CSMD1: variants seen among roughly 807,000 people sequenced by gnomAD.
CSMD1 encodes CUB and sushi domain-containing protein 1.
In CSMD1, 213 loss-of-function variants were observed where a neutral mutation model predicts 417.5. The ratio of observed to expected loss-of-function variants is 0.51; its 90% CI spans 0.46 to 0.57. The LOEUF (loss-of-function observed/expected upper bound fraction) is 0.57. CSMD1 is among the 20% of genes least tolerant of loss of function. CSMD1 has a pLI of 0.00. For missense variants in CSMD1, 6,923 were observed against 4,529.7 expected, an observed-to-expected ratio of 1.53 and a Z score of -15.17; for synonymous variants, 2,862 against 1,736.8, an observed-to-expected ratio of 1.65 and a Z score of -16.11.
intron 3 of CSMD1, among the ~76,000 whole-genome samples, chr8:4,311,610 C>G (rs1217397843): frequency 1.3e-5 from 2 of 151,108 alleles, no homozygotes; most frequent in African/African-American, 4.9e-5. Context: ...GTAGTCCCAG[C>G]TACTTGGGAA....
chr8:2,966,794 T>C lies in CSMD1; in HGVS notation c.8924-48A>G, dbSNP rs1387188409. 6 of 1,582,542 alleles carry C rather than the reference T, an allele frequency of 3.8e-6. No homozygotes were observed. The East Asian group carries it at 1.4e-4, about 36-fold the overall frequency. On this transcript the variant is annotated intron_variant, in intron 57 of 69. Transcript: ENST00000635120. The stretch of plus-strand genomic sequence containing the variant: ...ACCACACACAGTGAGTGACCCAGCA[T>C]GAAAATGGCAAACACAAGAGACCAA...
rs374062675 is a variant in CSMD1 at position 3,309,257 on chromosome 8, T to C, written c.3632-754A>G. On this transcript the variant is annotated intron_variant, in intron 23 of 69. Transcript: ENST00000635120. Reference sequence around the variant, plus strand: ...GACAGCCAGCACTTATTCCAGCCCATTGTCAAGACCCGCCCACCTTCCCGA... The same window carrying C: ...GACAGCCAGCACTTATTCCAGCCCACTGTCAAGACCCGCCCACCTTCCCGA... Among the ~76,000 whole-genome samples the C allele has an allele frequency of 3.3e-5, 5 of 152,064 alleles. No homozygotes were observed. In the South Asian group the frequency reaches 8.3e-4, roughly 25 times the overall value.
chr8:3,129,906 G>C (rs183851499), intron 41 of CSMD1, among the ~76,000 whole-genome samples: 1 of 151,964 alleles, frequency 6.6e-6, no homozygotes, highest in Non-Finnish European at 1.5e-5. Context: ...ACCTGAGCCC[G>C]GGGGGCGGAG....
chr8:4,747,806 G>A (rs993772412), intron 1 of CSMD1, among the ~76,000 whole-genome samples: 1 of 152,152 alleles, frequency 6.6e-6, no homozygotes, highest in African/African-American at 2.4e-5. Context: ...TCGAAACCCA[G>A]CCAAAGCATC....
At chr8:3,662,723 G>T (rs527991720) in intron 7 of CSMD1, among the ~76,000 whole-genome samples, 1 of 152,046 alleles carries the variant, frequency 6.6e-6, no homozygotes, top group Non-Finnish European at 1.5e-5. Context: ...ATCATTCTCA[G>T]CAAACTGACA....
intron 5 of CSMD1, among the ~76,000 whole-genome samples, chr8:3,913,587 C>T (rs557198052): frequency 6.6e-6 from 1 of 152,276 alleles, no homozygotes; most frequent in South Asian, 2.1e-4. Flanking sequence ...AGTTCCAGTG[C>T]ATTTGCCCAC....
At chr8:4,390,779 G>T (rs1053276936) in intron 3 of CSMD1, among the ~76,000 whole-genome samples, 2 of 151,652 alleles carry the variant, frequency 1.3e-5, no homozygotes, top group Non-Finnish European at 2.9e-5. Context: ...CTGACCTCGT[G>T]ATCCACCTGC....
At chr8:4,302,085 C>CT (rs1375618762) in intron 3 of CSMD1, among the ~76,000 whole-genome samples, 1 of 152,120 alleles carries the variant, frequency 6.6e-6, no homozygotes, top group African/African-American at 2.4e-5. Context: ...ATGAAGACCC[C>CT]TTGTATAGTT....
chr8:3,310,176 C>A lies in CSMD1; in HGVS notation c.3632-1673G>T, dbSNP rs1029658077. On this transcript the variant is annotated intron_variant, in intron 23 of 69. Transcript: ENST00000635120. Reference sequence around the variant, plus strand: ...CAGGGTCATTCAAATATTTGATGACCTTCATCTCACTGCATAATGCCAAGA... The same window carrying A: ...CAGGGTCATTCAAATATTTGATGACATTCATCTCACTGCATAATGCCAAGA... 3.2e-4 allele frequency among the ~76,000 whole-genome samples: 48 copies of A among 152,170 alleles called. 1 individual carries two copies. Among genetic ancestry groups the A allele is most frequent in the African/African-American group, 1.1e-3 (46 of 41,444 alleles).
At chr8:4,006,453 A>G (rs1334640071) in intron 4 of CSMD1, among the ~76,000 whole-genome samples, 1 of 152,196 alleles carries the variant, frequency 6.6e-6, no homozygotes, top group Non-Finnish European at 1.5e-5. Flanking sequence ...CTGAGGCCGA[A>G]GAATCGCTTG....
chr8:4,386,835 A>G (rs1053919523), intron 3 of CSMD1, among the ~76,000 whole-genome samples: 1 of 152,250 alleles, frequency 6.6e-6, no homozygotes, highest in Non-Finnish European at 1.5e-5. Flanking sequence ...TAAAGCGGAA[A>G]TAAGACCACA....
At chr8:2,973,754 C>A (rs1381307774) in intron 56 of CSMD1, among the ~76,000 whole-genome samples, 3 of 151,344 alleles carry the variant, frequency 2.0e-5, no homozygotes, top group Non-Finnish European at 2.9e-5. Flanking sequence ...GTTTAAGAAA[C>A]ATTCGTGAAA....
chr8:3,780,058 T>G (rs996394774), intron 5 of CSMD1, among the ~76,000 whole-genome samples: 3 of 152,214 alleles, frequency 2.0e-5, no homozygotes, highest in African/African-American at 4.8e-5. Flanking sequence ...GTGAGAAACA[T>G]TCTTTAAAAT....
chr8:3,511,978 T>G (rs375264566), intron 10 of CSMD1, among the ~76,000 whole-genome samples: 1 of 151,770 alleles, frequency 6.6e-6, no homozygotes, highest in Admixed American at 6.6e-5. Context: ...ACAGTCACAG[T>G]GAGGACTCAT....
chr8:4,171,170 C>T (rs1338102320), intron 3 of CSMD1, among the ~76,000 whole-genome samples: 4 of 151,852 alleles, frequency 2.6e-5, no homozygotes, highest in African/African-American at 7.3e-5. Context: ...TTAGTTTCCT[C>T]TGGATCAAAT....
chr8:2,973,069 G>C, intron 57 of CSMD1, 48 bp downstream of exon 57: 2 of 1,570,994 alleles, frequency 1.3e-6, no homozygotes, highest in Non-Finnish European at 1.7e-6. Context: ...AGAACGAGCT[G>C]TGTGGTTTTA....
At chr8:4,549,916 AAAAAG>A (rs1367977785) in intron 2 of CSMD1, among the ~76,000 whole-genome samples, 1,560 of 142,806 alleles carry the variant, frequency 0.011, 28 homozygotes, top group African/African-American at 0.041. Context: ...AAAAAAAAAA[AAAAAG>A]AAAAGAAAAG....
intron 6 of CSMD1, among the ~76,000 whole-genome samples, chr8:3,717,183 T>C (rs1365253362): frequency 6.6e-6 from 1 of 152,212 alleles, no homozygotes; most frequent in African/African-American, 2.4e-5. Context: ...TATTACATTT[T>C]TTCATTGATA....
At chr8:4,511,342 G>C (rs1330753409) in intron 2 of CSMD1, among the ~76,000 whole-genome samples, 1 of 152,220 alleles carries the variant, frequency 6.6e-6, no homozygotes, top group Admixed American at 6.5e-5. Flanking sequence ...AAAGTGACCA[G>C]AGGAGGGGCA....
Sources: allele counts gnomAD v4.1 joint callset (sites outside exome capture counted in the v4.1 genomes callset), GRCh38; gene constraint gnomAD v4.1.1; transcripts MANE v1.5; gene names NCBI Gene and HGNC (gene_info 2026-07-23, HGNC 2026-07-21).